The following PTPA variants were observed in gnomAD, a reference collection of about 807,000 sequenced individuals.
The protein encoded by PTPA is serine/threonine-protein phosphatase 2A activator.
A neutral mutation model predicts 43.6 loss-of-function variants in PTPA; 13 were observed. That is an observed-to-expected ratio of 0.30 (90% CI 0.19 to 0.47). The LOEUF is 0.47. Ranked by LOEUF, PTPA falls within the 20% of genes least tolerant of loss-of-function variation. The pLI, the probability that PTPA is intolerant of heterozygous loss-of-function variation, is 0.99. For missense variants in PTPA, 329 were observed against 411.9 expected (o/e 0.80, Z 1.74); for synonymous variants, 172 against 158.2 (o/e 1.09, Z -0.66).
intron 8 of PTPA, 79 bp from the exon 9 acceptor site, chr9:129,142,366 G>A (rs139998260): frequency 1.8e-5 from 24 of 1,314,510 alleles, no homozygotes; most frequent in Admixed American, 4.3e-5. Context: ...GCATGCATGG[G>A]TGTGACTTTG....
At chr9:129,117,458 C>T (rs1402208441) in intron 1 of PTPA, among the ~76,000 whole-genome samples, 3 of 152,086 alleles carry the variant, frequency 2.0e-5, no homozygotes, top group African/African-American at 7.2e-5. Flanking sequence ...GGCTGGAGTG[C>T]AGTGGCGTGA....
At chr9:129,129,950 C>G (rs1564192280) in intron 4 of PTPA, among the ~76,000 whole-genome samples, 1 of 152,068 alleles carries the variant, frequency 6.6e-6, no homozygotes, top group Non-Finnish European at 1.5e-5. Flanking sequence ...GTCCCAGCTG[C>G]TTGGGTGGCT....
chr9:129,143,294 G>C (rs1851032656), intron 9 of PTPA: 1 of 702,916 alleles, frequency 1.4e-6, no homozygotes, highest in African/African-American at 1.7e-5. Flanking sequence ...AGAACTGCTT[G>C]ACCTTGGCCA....
chr9:129,128,560 T>G (rs970632587), intron 3 of PTPA, among the ~76,000 whole-genome samples: 1 of 150,996 alleles, frequency 6.6e-6, no homozygotes. Context: ...AAAAGTTTAG[T>G]GTATTTCTGG....
At chr9:129,130,306 C>T (rs912586150) in intron 4 of PTPA, among the ~76,000 whole-genome samples, 1 of 152,026 alleles carries the variant, frequency 6.6e-6, no homozygotes, top group African/African-American at 2.4e-5. Flanking sequence ...TTGCTCTGGC[C>T]CAATATTTTC....
At chr9:129,112,953 A>AG (rs990430303) in intron 1 of PTPA, among the ~76,000 whole-genome samples, 1 of 151,884 alleles carries the variant, frequency 6.6e-6, no homozygotes, top group African/African-American at 2.4e-5. Flanking sequence ...CCCCAAAAAA[A>AG]AAACCGGGGT....
chr9:129,144,583 A>C (rs1383259182), intron 9 of PTPA, among the ~76,000 whole-genome samples: 1 of 151,716 alleles, frequency 6.6e-6, no homozygotes, highest in African/African-American at 2.4e-5. Flanking sequence ...CTAAAAATAT[A>C]AAAAAATTAG....
intron 9 of PTPA, among the ~76,000 whole-genome samples, chr9:129,146,479 T>C (rs564301582): frequency 6.6e-6 from 1 of 152,340 alleles, no homozygotes; most frequent in South Asian, 2.1e-4. Flanking sequence ...AGAGTGAGGC[T>C]CTTACTCTCT....
At chr9:129,117,569 A>T (rs1848961550) in intron 1 of PTPA, among the ~76,000 whole-genome samples, 2 of 150,162 alleles carry the variant, frequency 1.3e-5, no homozygotes, top group African/African-American at 4.9e-5. Context: ...ATGCCTGGCT[A>T]ATTTTTTGTA....
At chr9:129,120,243 G>A (rs992625792) in intron 1 of PTPA, among the ~76,000 whole-genome samples, 1 of 145,740 alleles carries the variant, frequency 6.9e-6, no homozygotes, top group Non-Finnish European at 1.5e-5. Context: ...GGGCGACAGA[G>A]CGAGACTCTG....
intron 3 of PTPA, among the ~76,000 whole-genome samples, chr9:129,126,934 T>C (rs547085102): frequency 2.6e-5 from 4 of 152,266 alleles, no homozygotes; most frequent in African/African-American, 9.6e-5. Flanking sequence ...GTGCCTCGCC[T>C]AAGACTGAGA....
chr9:129,147,799 C>A lies in PTPA; in HGVS notation c.*335C>A. The A allele has an allele frequency of 3.1e-6, 1 of 324,458 alleles. No individual in the cohort carries two copies. The highest frequency in any genetic ancestry group is 5.9e-6 in the Non-Finnish European group (1 of 169,362). 20.1% of individuals were successfully genotyped at this position (324,458 alleles called of 1,614,324 possible). ...TCCAGTCTGGTTTTGAGAGCAGGGGCTGTTCTGCAGCACCGCAGGGAAGGG... is the reference window on the plus strand; with the variant it reads ...TCCAGTCTGGTTTTGAGAGCAGGGGATGTTCTGCAGCACCGCAGGGAAGGG... On this transcript the variant is annotated 3_prime_UTR_variant, in exon 10 of 10. Transcript: ENST00000393370.
At chr9:129,139,033 G>A (rs1588526123) in intron 8 of PTPA, among the ~76,000 whole-genome samples, 1 of 152,346 alleles carries the variant, frequency 6.6e-6, no homozygotes, top group South Asian at 2.1e-4. Flanking sequence ...AGGATAAGCT[G>A]GAGGAGCAGG....
chr9:129,125,570 A>G (rs1317753466), intron 3 of PTPA, among the ~76,000 whole-genome samples: 2 of 152,054 alleles, frequency 1.3e-5, no homozygotes, highest in East Asian at 1.9e-4. Flanking sequence ...CAAGGGCTGT[A>G]CTTTGGCAGG....
At chr9:129,143,951 C>T (rs527349114) in intron 9 of PTPA, among the ~76,000 whole-genome samples, 4 of 151,710 alleles carry the variant, frequency 2.6e-5, no homozygotes, top group South Asian at 2.1e-4. Context: ...AGGTGCACAT[C>T]GCCCACCAGC....
At chr9:129,134,296 C>CTTTTTTTTTTT (rs68089837) in intron 5 of PTPA, among the ~76,000 whole-genome samples, 1 of 56,906 alleles carries the variant, frequency 1.8e-5, no homozygotes, top group Admixed American at 2.7e-4. Context: ...ACTGGTAGTT[C>CTTTTTTTTTTT]TTTTTTTTTT....
chr9:129,143,256 C>T (rs1327324909), intron 9 of PTPA: 2 of 698,902 alleles, frequency 2.9e-6, no homozygotes, highest in Non-Finnish European at 2.6e-6. Flanking sequence ...TCTGCTAGCT[C>T]CTCCCACTTC....
intron 9 of PTPA, among the ~76,000 whole-genome samples, chr9:129,144,736 CA>C (rs35064318): frequency 0.31 from 33,768 of 107,586 alleles, 4,698 homozygotes; most frequent in East Asian, 0.4. Flanking sequence ...GAGACTCTCT[CA>C]AAAAAAAAAA....
intron 8 of PTPA, 140 bp downstream of exon 8, chr9:129,137,832 G>C (rs1273047916): frequency 3.8e-6 from 3 of 788,362 alleles, no homozygotes; most frequent in Non-Finnish European, 2.2e-6. Flanking sequence ...TATTGAAAAG[G>C]AAGCACCACT....
Sources: allele counts gnomAD v4.1 joint callset (sites outside exome capture counted in the v4.1 genomes callset), GRCh38; gene constraint gnomAD v4.1.1; transcripts MANE v1.5; gene names NCBI Gene and HGNC (gene_info 2026-07-23, HGNC 2026-07-21).